Variants in SLCO1B3 observed in about 807,000 individuals in gnomAD.
SLCO1B3 encodes the protein liver-specific organic anion transporter 2.
SLCO1B3 carries 72 observed loss-of-function variants against 71.8 expected under a neutral mutation model. That is an observed-to-expected ratio of 1.00 (90% CI 0.83 to 1.22). The LOEUF (loss-of-function observed/expected upper bound fraction) is 1.22, where lower values mean the gene tolerates loss of function less well. Ranked by LOEUF, SLCO1B3 falls within the 50% of genes most tolerant of loss-of-function variation. The pLI, the probability that SLCO1B3 is intolerant of heterozygous loss-of-function variation, is 0.00. For synonymous variants in SLCO1B3, 298 were observed against 278.4 expected, an observed-to-expected ratio of 1.07 and a Z score of -0.70; for missense variants, 911 against 819.7, an observed-to-expected ratio of 1.11 and a Z score of -1.36.
chr12:20,888,125 A>G (rs557705408), intron 13 of SLCO1B3, among the ~76,000 whole-genome samples: 11 of 152,102 alleles, frequency 7.2e-5, no homozygotes, highest in South Asian at 6.2e-4. Flanking sequence ...TTTGGCTTAT[A>G]GCCATGTAGT....
intron 4 of SLCO1B3, among the ~76,000 whole-genome samples, chr12:20,857,366 T>G (rs1865162065): frequency 6.6e-6 from 1 of 152,028 alleles, no homozygotes; most frequent in Non-Finnish European, 1.5e-5. Context: ...TTATTCTTTC[T>G]TTTCTTCTGA....
rs1864535166 is a variant in SLCO1B3, at chr12:20,831,321, C to T, written c.84+15499C>T. On this transcript the variant is annotated intron_variant, in intron 3 of 15. Transcript: ENST00000381545. ...GAAGTGAGCCGAGATCCCACCACTC[C>T]ACTCCAGGCTGGGTGACAGAGCGAG... 2.0e-5 allele frequency among the ~76,000 whole-genome samples: 3 copies of T among 147,130 alleles called. No individual in the cohort carries two copies. The South Asian group carries it at 6.5e-4, about 32-fold the overall frequency.
chr12:20,874,418 A>G (rs991738917), intron 8 of SLCO1B3, among the ~76,000 whole-genome samples: 1 of 152,182 alleles, frequency 6.6e-6, no homozygotes. Flanking sequence ...TATTTCTCAC[A>G]AATGAAATTG....
intron 5 of SLCO1B3, among the ~76,000 whole-genome samples, chr12:20,860,424 G>C (rs2121245206): frequency 6.6e-6 from 1 of 152,156 alleles, no homozygotes; most frequent in South Asian, 2.1e-4. Flanking sequence ...CTTTGAAGTT[G>C]AGCAAAATGC....
At position 20,858,362 on chromosome 12, in the gene SLCO1B3, A is replaced by G. The variant is rs4149115; in HGVS notation, c.227-77A>G. The G allele has an allele frequency of 0.82, 849,375 of 1,037,336 alleles. 354,029 individuals carry two copies. The highest frequency in any genetic ancestry group is 0.88 in the South Asian group (60,774 of 68,712). 64.3% of individuals were successfully genotyped at this position (1,037,336 alleles called of 1,614,324 possible). ...GGTACAATGTCTTGGGCATATTTGC[A>G]TTCATTTGGGGCATTCAGTTCTACT... On this transcript the variant is annotated intron_variant, in intron 4 of 15. Coordinates refer to ENST00000381545, the MANE Select transcript of SLCO1B3 (RefSeq NM_019844.4).
intron 6 of SLCO1B3, 137 bp from the exon 7 acceptor site, chr12:20,862,275 G>T: frequency 3.9e-6 from 4 of 1,024,636 alleles, no homozygotes; most frequent in Admixed American, 3.1e-5. Context: ...TTCAAACTTT[G>T]TAAAGTGAAT....
chr12:20,888,837 G>C (rs1865844473), intron 13 of SLCO1B3, among the ~76,000 whole-genome samples: 1 of 151,826 alleles, frequency 6.6e-6, no homozygotes, highest in Non-Finnish European at 1.5e-5. Context: ...TCATATACAT[G>C]GTTTTTATTA....
In SLCO1B3 at chr12:20,855,074, G is replaced by A; in HGVS notation, c.131G>A (p.Gly44Asp). ...LSFSYIAKAL[G>D]GIIMKISITQ... is the part of the protein sequence containing the mutation. ...TTCAGCTATATTGCTAAAGCACTAGGTGGAATCATTATGAAAATTTCCATC... is the reference window on the plus strand; with the variant it reads ...TTCAGCTATATTGCTAAAGCACTAGATGGAATCATTATGAAAATTTCCATC... The change falls in exon 4 of 16, where the codon GGT (glycine) becomes GAT (aspartate). Residue 44 changes from glycine to aspartate, a missense_variant. Gly to Asp is a moderately conservative substitution (Grantham distance 94, BLOSUM62 -1). Coordinates refer to ENST00000381545, the MANE Select transcript of SLCO1B3 (RefSeq NM_019844.4). 1.2e-6 allele frequency: 2 copies of A among 1,611,994 alleles called. No homozygotes were observed. Among genetic ancestry groups the A allele is most frequent in the East Asian group, 2.2e-5 (1 of 44,854 alleles).
At position 20,860,921 on chromosome 12, in the gene SLCO1B3, C is replaced by A. The variant is rs528184824; in HGVS notation, c.360-96C>A. 4.7e-5 allele frequency: 56 copies of A among 1,189,296 alleles called. 1 individual carries two copies. In the South Asian group the frequency reaches 7.5e-4, roughly 16 times the overall value. The allele number at this position is 1,189,296 out of a possible 1,614,324, so 73.7% of individuals were successfully genotyped here. The stretch of plus-strand genomic sequence containing the variant: ...GATTCTGGTAATTTGGAGAAGACAG[C>A]GGTTCAAATAAAGGAGAAAATTTCT... On this transcript the variant is annotated intron_variant, in intron 5 of 15. Transcript: ENST00000381545.
chr12:20,820,680 A>G (rs1864281781), intron 3 of SLCO1B3, among the ~76,000 whole-genome samples: 1 of 152,072 alleles, frequency 6.6e-6, no homozygotes, highest in Non-Finnish European at 1.5e-5. Context: ...AGTTTTATTT[A>G]ATGTCAGGAG....
intron 3 of SLCO1B3, among the ~76,000 whole-genome samples, chr12:20,842,624 G>C (rs1207445259): frequency 6.6e-6 from 1 of 151,978 alleles, no homozygotes; most frequent in East Asian, 1.9e-4. Context: ...AAAAATCTCT[G>C]CCTTTAAACT....
intron 14 of SLCO1B3, among the ~76,000 whole-genome samples, chr12:20,900,424 C>G (rs1439665558): frequency 6.6e-6 from 1 of 152,090 alleles, no homozygotes; most frequent in African/African-American, 2.4e-5. Flanking sequence ...AATGATAGCT[C>G]TCTACTATGA....
chr12:20,839,556 T>C (rs781723056), intron 3 of SLCO1B3, among the ~76,000 whole-genome samples: 2 of 152,128 alleles, frequency 1.3e-5, no homozygotes, highest in Non-Finnish European at 2.9e-5. Context: ...GGATAGGTAT[T>C]TTATTTTCCC....
At chr12:20,867,789 A>G (rs772751431) in intron 8 of SLCO1B3, among the ~76,000 whole-genome samples, 7 of 152,272 alleles carry the variant, frequency 4.6e-5, no homozygotes, top group East Asian at 1.9e-4. Context: ...AGAAATTATG[A>G]TGTATTTCTG....
intron 2 of SLCO1B3, among the ~76,000 whole-genome samples, chr12:20,814,765 C>T (rs572441761): frequency 1.3e-5 from 2 of 151,998 alleles, no homozygotes; most frequent in East Asian, 3.9e-4. Flanking sequence ...GTGGCACGCA[C>T]CTGCGCCTGT....
intron 8 of SLCO1B3, among the ~76,000 whole-genome samples, chr12:20,870,671 G>A (rs7137433): frequency 0.72 from 110,069 of 151,992 alleles, 42,457 homozygotes; most frequent in South Asian, 0.9. Flanking sequence ...ATTCCATTCT[G>A]TTGGTCTACA....
chr12:20,872,962 C>G (rs1040361197), intron 8 of SLCO1B3, among the ~76,000 whole-genome samples: 1 of 152,112 alleles, frequency 6.6e-6, no homozygotes, highest in African/African-American at 2.4e-5. Context: ...CTTAGGATCC[C>G]CCAGGCATCT....
intron 3 of SLCO1B3, among the ~76,000 whole-genome samples, chr12:20,840,665 T>TA (rs957324175): frequency 1.8e-4 from 27 of 152,146 alleles, no homozygotes; most frequent in African/African-American, 4.1e-4. Flanking sequence ...TGTCAATTTT[T>TA]AAAAAAATGT....
intron 13 of SLCO1B3, among the ~76,000 whole-genome samples, chr12:20,893,418 G>C (rs1382056345): frequency 6.6e-6 from 1 of 152,192 alleles, no homozygotes; most frequent in Non-Finnish European, 1.5e-5. Flanking sequence ...ACTTCAGCAA[G>C]GAGGTTAGAG....
Sources: gnomAD v4.1 joint callset for allele counts (sites outside exome capture counted in the v4.1 genomes callset) on GRCh38, gnomAD v4.1.1 for gene constraint, MANE v1.5 for transcripts, NCBI Gene and HGNC (gene_info 2026-07-23, HGNC 2026-07-21) for gene names.